The following UNC13C variants were observed in gnomAD, a reference collection of about 807,000 sequenced individuals.
The protein encoded by UNC13C is protein unc-13 homolog C.
A neutral mutation model predicts 245.4 loss-of-function variants in UNC13C; 174 were observed. That is an observed-to-expected ratio of 0.71 (90% CI 0.63 to 0.80). The LOEUF is 0.80. Among genes scored for constraint, UNC13C ranks in the 30% least tolerant of loss-of-function variants. The probability of loss-of-function intolerance (pLI) is 0.00; values close to 1 mark genes in which losing one functional copy is unlikely to be tolerated. For missense variants in UNC13C, 2,829 were observed against 2,602.9 expected (o/e 1.09, Z -1.89); for synonymous variants, 992 against 895.1 (o/e 1.11, Z -1.93).
chr15:54,392,220 T>G (rs988262722), intron 17 of UNC13C, among the ~76,000 whole-genome samples: 1 of 152,046 alleles, frequency 6.6e-6, no homozygotes, highest in African/African-American at 2.4e-5. Context: ...CCAGAATAGC[T>G]TATCTCTATG....
chr15:53,873,660 C>T, the UNC13C span, among the ~76,000 whole-genome samples: 1 of 43,522 alleles, frequency 2.3e-5, no homozygotes. Flanking sequence ...TCTTGGAGGC[C>T]CTCTCACTTG....
At chr15:54,490,861 C>T (rs966908839) in intron 19 of UNC13C, among the ~76,000 whole-genome samples, 3 of 152,090 alleles carry the variant, frequency 2.0e-5, no homozygotes, top group Non-Finnish European at 4.4e-5. Context: ...TTTCTTTTGA[C>T]ATAAATTCCT....
At chr15:54,048,114 T>G (rs895454472) in intron 2 of UNC13C, among the ~76,000 whole-genome samples, 2 of 152,196 alleles carry the variant, frequency 1.3e-5, no homozygotes, top group Non-Finnish European at 2.9e-5. Flanking sequence ...CAAAACATGC[T>G]TATCCTTAGT....
At chr15:54,030,681 C>A (rs530719500) in intron 2 of UNC13C, among the ~76,000 whole-genome samples, 2 of 152,178 alleles carry the variant, frequency 1.3e-5, no homozygotes, top group Non-Finnish European at 2.9e-5. Flanking sequence ...TCTCACAGTT[C>A]CAGAGGTTGG....
chr15:54,244,951 T>G lies in UNC13C; in HGVS notation c.3229-5274T>G, dbSNP rs182287952. 2.0e-3 allele frequency among the ~76,000 whole-genome samples: 304 copies of G among 152,338 alleles called. 1 individual carries two copies. Among genetic ancestry groups the G allele is most frequent in the African/African-American group, 6.5e-3 (271 of 41,580 alleles). On this transcript the variant is annotated intron_variant, in intron 7 of 32. Coordinates refer to ENST00000260323, the MANE Select transcript of UNC13C (RefSeq NM_001080534.3). Reference sequence around the variant, plus strand: ...TTCCTCTCTTCCTATTTGAATACACTTTATTTCTTTCTCTTGCCCAATTGC... The same window carrying G: ...TTCCTCTCTTCCTATTTGAATACACGTTATTTCTTTCTCTTGCCCAATTGC...
At chr15:54,278,721 C>T (rs534470058) in intron 10 of UNC13C, among the ~76,000 whole-genome samples, 3 of 152,196 alleles carry the variant, frequency 2.0e-5, no homozygotes, top group East Asian at 3.9e-4. Context: ...ACACATCCTT[C>T]TTCATCATGC....
chr15:54,241,089 C>T (rs1353871712), intron 7 of UNC13C, among the ~76,000 whole-genome samples: 1 of 152,102 alleles, frequency 6.6e-6, no homozygotes, highest in Admixed American at 6.6e-5. Flanking sequence ...TTCTAGTAGG[C>T]AAGATCGTTT....
At chr15:54,055,769 C>G (rs1451395916) in intron 2 of UNC13C, among the ~76,000 whole-genome samples, 1 of 152,072 alleles carries the variant, frequency 6.6e-6, no homozygotes, top group African/African-American at 2.4e-5. Context: ...ATTCTCATAA[C>G]AGGATGGGAT....
rs139371615 is a variant in UNC13C, at chr15:54,423,808, A to G, written c.4933+8741A>G. Reference sequence around the variant, plus strand: ...ATATATTTAACTTTGTATTTTTTCTATCATTTTCCTGCTATTAGTTTTTCA... The same window carrying G: ...ATATATTTAACTTTGTATTTTTTCTGTCATTTTCCTGCTATTAGTTTTTCA... On this transcript the variant is annotated intron_variant, in intron 19 of 32. Transcript: ENST00000260323. Among the ~76,000 whole-genome samples, 16 of 151,948 alleles carry G rather than the reference A, an allele frequency of 1.1e-4. 1 individual carries two copies. The highest frequency in any genetic ancestry group is 3.6e-4 in the African/African-American group (15 of 41,514).
At chr15:53,890,285 G>T in the UNC13C span, among the ~76,000 whole-genome samples, 1 of 152,050 alleles carries the variant, frequency 6.6e-6, no homozygotes, top group Admixed American at 6.6e-5. Flanking sequence ...GGGACTACAT[G>T]CACCTGCCAT....
At chr15:54,011,048 G>A (rs544483938) in intron 1 of UNC13C, among the ~76,000 whole-genome samples, 1 of 152,222 alleles carries the variant, frequency 6.6e-6, no homozygotes, top group African/African-American at 2.4e-5. Flanking sequence ...TGGTTTTGGA[G>A]TTTAAACATA....
At chr15:54,352,530 T>C (rs2039007679) in intron 17 of UNC13C, among the ~76,000 whole-genome samples, 1 of 151,786 alleles carries the variant, frequency 6.6e-6, no homozygotes, top group South Asian at 2.1e-4. Context: ...TTTTGTAGCA[T>C]GTTTCTTCTA....
chr15:54,350,028 C>T (rs949094304), intron 17 of UNC13C, among the ~76,000 whole-genome samples: 5 of 151,976 alleles, frequency 3.3e-5, no homozygotes, highest in Non-Finnish European at 5.9e-5. Flanking sequence ...CACTGTGTCG[C>T]CCAGGCTGGA....
intron 8 of UNC13C, among the ~76,000 whole-genome samples, chr15:54,253,048 GTACTCTT>G (rs1426900315): frequency 2.0e-5 from 3 of 152,222 alleles, no homozygotes; most frequent in Admixed American, 2.0e-4. Context: ...TAGGTTTCTA[GTACTCTT>G]TATTTTGCTA....
intron 19 of UNC13C, among the ~76,000 whole-genome samples, chr15:54,482,789 G>A (rs920727461): frequency 6.6e-6 from 1 of 152,122 alleles, no homozygotes; most frequent in Non-Finnish European, 1.5e-5. Context: ...GGGAAAAGCA[G>A]TGTATATTTT....
the UNC13C span, among the ~76,000 whole-genome samples, chr15:53,849,880 T>C: frequency 6.6e-6 from 1 of 152,150 alleles, no homozygotes; most frequent in Non-Finnish European, 1.5e-5. Context: ...TACACATACA[T>C]ATGTGAGACA....
chr15:54,234,242 A>G (rs1253995520), intron 4 of UNC13C, among the ~76,000 whole-genome samples: 1 of 71,074 alleles, frequency 1.4e-5, no homozygotes, highest in Non-Finnish European at 2.7e-5. Context: ...CCATGTCAGT[A>G]TATATATATA....
chr15:54,625,761 C>A (rs1281068333), intron 32 of UNC13C, among the ~76,000 whole-genome samples: 1 of 152,070 alleles, frequency 6.6e-6, no homozygotes, highest in African/African-American at 2.4e-5. Context: ...GATCACATTC[C>A]CTGCCAATAA....
intron 18 of UNC13C, among the ~76,000 whole-genome samples, chr15:54,395,696 T>C (rs1441667903): frequency 6.6e-6 from 1 of 151,862 alleles, no homozygotes; most frequent in Non-Finnish European, 1.5e-5. Flanking sequence ...TTTAGTGAAG[T>C]TCTTATTGTT....
Sources: allele counts gnomAD v4.1 joint callset (sites outside exome capture counted in the v4.1 genomes callset), GRCh38; gene constraint gnomAD v4.1.1; transcripts MANE v1.5; gene names NCBI Gene and HGNC (gene_info 2026-07-23, HGNC 2026-07-21).